The following HNRNPUL1 variants were observed in gnomAD, a reference collection of about 807,000 sequenced individuals.
HNRNPUL1 encodes the protein heterogeneous nuclear ribonucleoprotein U-like protein 1.
In HNRNPUL1, 14 loss-of-function variants were observed where a neutral mutation model predicts 108.5. That is an observed-to-expected ratio of 0.13 (90% CI 0.09 to 0.20). The LOEUF is 0.20. Among genes scored for constraint, HNRNPUL1 ranks in the 10% least tolerant of loss-of-function variants. The pLI is 1.00. For missense variants in HNRNPUL1, 804 were observed against 1,168.3 expected (o/e 0.69, Z 4.55); for synonymous variants, 422 against 445.2 (o/e 0.95, Z 0.66).
chr19:41,282,799 C>G (rs890816074), intron 7 of HNRNPUL1, among the ~76,000 whole-genome samples: 2 of 149,308 alleles, frequency 1.3e-5, no homozygotes, highest in African/African-American at 4.9e-5. Context: ...ACGCCATTCT[C>G]CTGCCTCAGC....
At chr19:41,304,796 G>A (rs543616970) in intron 13 of HNRNPUL1, among the ~76,000 whole-genome samples, 25 of 152,306 alleles carry the variant, frequency 1.6e-4, no homozygotes, top group African/African-American at 5.8e-4. Context: ...AAACCAGAGA[G>A]GTTTTCAGTT....
chr19:41,305,622 C>T (rs1317430122), intron 13 of HNRNPUL1, 54 bp from the exon 14 acceptor site: 2 of 1,609,132 alleles, frequency 1.2e-6, no homozygotes, highest in African/African-American at 1.3e-5. Context: ...CATTTCACAT[C>T]TGCAGATTTC....
chr19:41,281,050 TAAAAC>T, intron 6 of HNRNPUL1, 108 bp from the exon 7 acceptor site: 1 of 699,838 alleles, frequency 1.4e-6, no homozygotes, highest in African/African-American at 1.8e-5. Flanking sequence ...ATCTGATTAA[TAAAAC>T]TAGTAAAGAA....
Position 41,264,405 on chromosome 19 carries a change from C to G in HNRNPUL1, c.-99C>G. ...CCGCTGCCGCCATTGGAGTGGGCCC[C>G]CCCCCTTTCCCCCTTCGCCTCCTGA... On this transcript the variant is annotated 5_prime_UTR_variant, in exon 1 of 15. Coordinates refer to ENST00000392006, the MANE Select transcript of HNRNPUL1 (RefSeq NM_007040.6). 1 of 1,061,444 alleles carries G rather than the reference C, an allele frequency of 9.4e-7. No individual in the cohort carries two copies. Among genetic ancestry groups the G allele is most frequent in the Non-Finnish European group, 1.2e-6 (1 of 816,234 alleles). 65.8% of individuals were successfully genotyped at this position (1,061,444 alleles called of 1,614,324 possible). A position where few individuals can be genotyped will look rare whatever the true frequency, so the allele number is the denominator to read the frequency against.
At chr19:41,289,939 T>A (rs538824986) in intron 7 of HNRNPUL1, among the ~76,000 whole-genome samples, 1 of 152,138 alleles carries the variant, frequency 6.6e-6, no homozygotes, top group East Asian at 1.9e-4. Flanking sequence ...TCTTGATCTC[T>A]TGACCTCATG....
intron 13 of HNRNPUL1, 54 bp downstream of exon 13, chr19:41,304,315 C>T (rs1299478949): frequency 7.8e-6 from 12 of 1,537,412 alleles, no homozygotes; most frequent in Middle Eastern, 1.8e-4. Flanking sequence ...GCTTTTGAAC[C>T]TGAGCAAGTT....
intron 7 of HNRNPUL1, among the ~76,000 whole-genome samples, chr19:41,290,677 C>G (rs569576752): frequency 6.6e-6 from 1 of 152,280 alleles, no homozygotes; most frequent in African/African-American, 2.4e-5. Flanking sequence ...CCCCGCCCCC[C>G]TTTTTTTGAT....
chr19:41,280,909 T>C (rs983223798), intron 6 of HNRNPUL1: 63 of 386,002 alleles, frequency 1.6e-4, no homozygotes, highest in African/African-American at 1.2e-3. Context: ...CTTTTCAAAT[T>C]CTCCCCTCTG....
intron 10 of HNRNPUL1, 25 bp from the exon 11 acceptor site, chr19:41,301,511 G>T: frequency 6.3e-7 from 1 of 1,597,446 alleles, no homozygotes. Flanking sequence ...ACCATCTCTT[G>T]CCTCTTCTGT....
In HNRNPUL1 at chr19:41,292,473, C is replaced by A. The variant is rs778553397; in HGVS notation, c.1228C>A (p.Arg410=). ...IQHLPLSERI[R]GTVGPKSKAE... ...GCACCTTCCCCTTAGTGAGCGTATC[C>A]GGGGCACCGTTGGACCAAAGAGCAA... The change falls in exon 8 of 15, where the codon CGG becomes AGG. Residue 410 remains arginine (R), a synonymous_variant. Transcript: ENST00000392006. The surrounding 1 kb of genome is among the most constrained non-coding windows in gnomAD (Gnocchi z 4.1). 1.2e-6 allele frequency: 2 copies of A among 1,613,418 alleles called. No individual in the cohort carries two copies. The highest frequency in any genetic ancestry group is 2.7e-5 in the African/African-American group (2 of 74,868).
At chr19:41,297,145 A>G (rs1016041485) in intron 10 of HNRNPUL1, among the ~76,000 whole-genome samples, 2 of 152,220 alleles carry the variant, frequency 1.3e-5, no homozygotes, top group African/African-American at 4.8e-5. Context: ...CAGAAGAGGA[A>G]AAAGAGGTAG....
chr19:41,307,386 G>A lies in HNRNPUL1; in HGVS notation c.*821G>A, dbSNP rs1247791531. On this transcript the variant is annotated 3_prime_UTR_variant, in exon 15 of 15. Coordinates refer to ENST00000392006, the MANE Select transcript of HNRNPUL1 (RefSeq NM_007040.6). Reference sequence around the variant, plus strand: ...GAACTTGAAACCTTTTATTCCGGGCGTCTTGGTAGTTTCTGGTGGGATTCA... The same window carrying A: ...GAACTTGAAACCTTTTATTCCGGGCATCTTGGTAGTTTCTGGTGGGATTCA... 1.3e-5 allele frequency: 2 copies of A among 152,496 alleles called. No individual in the cohort carries two copies. Among genetic ancestry groups the A allele is most frequent in the East Asian group, 1.9e-4 (1 of 5,186 alleles). The allele number at this position is 152,496 out of a possible 1,614,324, so 9.4% of individuals were successfully genotyped here.
intron 10 of HNRNPUL1, among the ~76,000 whole-genome samples, chr19:41,297,461 G>A (rs1051301603): frequency 1.3e-5 from 2 of 152,230 alleles, no homozygotes; most frequent in African/African-American, 4.8e-5. Flanking sequence ...GAAAGGTGGA[G>A]TAGAAGGCCA....
At position 41,281,199 on chromosome 19, in the gene HNRNPUL1, GGAA is replaced by G. The variant is rs2035879270; in HGVS notation, c.928_930del (p.Lys310del). 1 of 1,613,998 alleles carries G rather than the reference GGAA, an allele frequency of 6.2e-7. No individual in the cohort carries two copies. Among genetic ancestry groups the G allele is most frequent in the Non-Finnish European group, 8.5e-7 (1 of 1,179,974 alleles). ...TTCTCCTATGGCTATGGAGGCACTG[GGAA>G]GAAGTCCACCAATAGCCGGTTTGAA... On this transcript the variant is annotated inframe_deletion, in exon 7 of 15. Transcript: ENST00000392006.
At position 41,264,863 on chromosome 19, in the gene HNRNPUL1, G is replaced by T. The variant is rs2034714074; in HGVS notation, c.295+65G>T. 5 of 1,346,808 alleles carry T rather than the reference G, an allele frequency of 3.7e-6. No homozygotes were observed. The South Asian group carries it at 9.5e-5, about 26-fold the overall frequency. 83.4% of individuals were successfully genotyped at this position (1,346,808 alleles called of 1,614,324 possible). On this transcript the variant is annotated intron_variant, in intron 1 of 14. Transcript: ENST00000392006. ...TGGGCCGAGGAAAGGGCTGTGGGAC[G>T]CGGGAGTCCAGCGCCTGAGGTCGGG...
chr19:41,298,670 C>T (rs1247333055), intron 10 of HNRNPUL1: 1 of 152,208 alleles, frequency 6.6e-6, no homozygotes, highest in Non-Finnish European at 1.5e-5. Flanking sequence ...CACCTCAATT[C>T]CAAAGTGCCT....
chr19:41,271,741 C>T (rs150689298), intron 2 of HNRNPUL1, among the ~76,000 whole-genome samples: 2 of 152,084 alleles, frequency 1.3e-5, no homozygotes, highest in African/African-American at 2.4e-5. Flanking sequence ...AACTAAAGCC[C>T]GTAGAGTTAG....
At position 41,280,211 on chromosome 19, in the gene HNRNPUL1, A is replaced by G. The variant is rs150326490; in HGVS notation, c.887-952A>G. 5.4e-3 allele frequency among the ~76,000 whole-genome samples: 826 copies of G among 152,314 alleles called. 4 individuals are homozygous for G. Among genetic ancestry groups the G allele is most frequent in the African/African-American group, 0.019 (785 of 41,560 alleles). On this transcript the variant is annotated intron_variant, in intron 6 of 14. Coordinates refer to ENST00000392006, the MANE Select transcript of HNRNPUL1 (RefSeq NM_007040.6). ...GGAATAATAGATAATGGAGACTCAG[A>G]AGTGTTAGGGGGTAACAAGGTGGAG...
intron 5 of HNRNPUL1, 114 bp downstream of exon 5, chr19:41,276,412 C>A: frequency 8.6e-7 from 1 of 1,168,392 alleles, no homozygotes; most frequent in Non-Finnish European, 1.2e-6. Context: ...TTGTGCAATA[C>A]CATGTCCAAG....
Sources: gnomAD v4.1 joint callset for allele counts (sites outside exome capture counted in the v4.1 genomes callset) on GRCh38, gnomAD v4.1.1 for gene constraint, Gnocchi (gnomAD v3.1) non-coding constraint, MANE v1.5 for transcripts, NCBI Gene and HGNC (gene_info 2026-07-23, HGNC 2026-07-21) for gene names.